The following HCN1 variants were observed in gnomAD, a reference collection of about 807,000 sequenced individuals.
HCN1 encodes the protein potassium/sodium hyperpolarization-activated cyclic nucleotide-gated channel 1.
A neutral mutation model predicts 78.9 loss-of-function variants in HCN1; 13 were observed. The ratio of observed to expected loss-of-function variants is 0.16; its 90% confidence interval spans 0.11 to 0.26. The LOEUF is 0.26. HCN1 is among the 10% of genes least tolerant of loss of function. HCN1 has a pLI of 1.00. For synonymous variants in HCN1, 552 were observed against 455.5 expected (o/e 1.21, Z -2.70); for missense variants, 810 against 1,154.3 (o/e 0.70, Z 4.32).
intron 2 of HCN1, among the ~76,000 whole-genome samples, chr5:45,545,053 A>C (rs1464579754): frequency 2.6e-5 from 4 of 152,136 alleles, no homozygotes; most frequent in Admixed American, 6.6e-5. Flanking sequence ...GAACTAGTTT[A>C]CAGTCCCACC....
intron 1 of HCN1, among the ~76,000 whole-genome samples, chr5:45,658,674 A>G (rs1256976363): frequency 6.6e-6 from 1 of 151,484 alleles, no homozygotes; most frequent in African/African-American, 2.4e-5. Flanking sequence ...TCCCTTTCCG[A>G]GTCAAAGAAA....
At chr5:45,556,172 C>T (rs1456151757) in intron 2 of HCN1, among the ~76,000 whole-genome samples, 2 of 151,836 alleles carry the variant, frequency 1.3e-5, no homozygotes, top group Non-Finnish European at 2.9e-5. Flanking sequence ...AGTAATACCC[C>T]ATAAGCACAA....
intron 4 of HCN1, among the ~76,000 whole-genome samples, chr5:45,363,143 T>TA (rs1554020542): frequency 1.1e-4 from 10 of 92,068 alleles, no homozygotes; most frequent in African/African-American, 5.2e-4. Flanking sequence ...TATATATATA[T>TA]ACATATATAT....
At chr5:45,621,889 A>C (rs1417098014) in intron 2 of HCN1, among the ~76,000 whole-genome samples, 8 of 152,200 alleles carry the variant, frequency 5.3e-5, no homozygotes, top group Non-Finnish European at 1.0e-4. Context: ...AGCAGAAAAA[A>C]AATTGTTTTA....
chr5:45,633,468 C>G (rs1387174931), intron 2 of HCN1, among the ~76,000 whole-genome samples: 1 of 151,948 alleles, frequency 6.6e-6, no homozygotes, highest in African/African-American at 2.4e-5. Flanking sequence ...TAGTGGAGGT[C>G]TTTCCAGTGG....
chr5:45,475,523 G>A (rs1015661997), intron 2 of HCN1, among the ~76,000 whole-genome samples: 3 of 152,066 alleles, frequency 2.0e-5, no homozygotes, highest in African/African-American at 7.2e-5. Flanking sequence ...TCTAAAAAAT[G>A]AGATCTGAAT....
Position 45,527,320 on chromosome 5 carries a change from GC to G in HCN1, c.850-65314del. ...GGTTTAAATTTCTGAAGGTGACATG[GC>G]CAGTAATGGTGGAGATAGGATCTAA... On this transcript the variant is annotated intron_variant, in intron 2 of 7. Coordinates refer to ENST00000303230, the MANE Select transcript of HCN1 (RefSeq NM_021072.4). Among the ~76,000 whole-genome samples, 2 of 130,946 alleles carry G rather than the reference GC, an allele frequency of 1.5e-5. 1 individual carries two copies. The highest frequency in any genetic ancestry group is 5.8e-5 in the African/African-American group (2 of 34,760). The allele number at this position is 130,946 out of a possible 152,430, so 85.9% of individuals were successfully genotyped here.
chr5:45,467,439 C>T (rs1425267633), intron 2 of HCN1, among the ~76,000 whole-genome samples: 2 of 152,110 alleles, frequency 1.3e-5, no homozygotes, highest in South Asian at 2.1e-4. Flanking sequence ...CCAATGTCCA[C>T]GTGCCACACA....
At chr5:45,328,305 G>A (rs1746275721) in intron 5 of HCN1, among the ~76,000 whole-genome samples, 2 of 151,202 alleles carry the variant, frequency 1.3e-5, no homozygotes, top group African/African-American at 2.4e-5. Flanking sequence ...AGTTCTTACA[G>A]AAGATCTTAG....
intron 1 of HCN1, among the ~76,000 whole-genome samples, chr5:45,658,132 T>A (rs1745815263): frequency 6.6e-6 from 1 of 152,110 alleles, no homozygotes; most frequent in African/African-American, 2.4e-5. Flanking sequence ...AAACAAGCAA[T>A]GGGGAAAGGA....
intron 5 of HCN1, among the ~76,000 whole-genome samples, chr5:45,349,666 A>T (rs938164289): frequency 4.6e-5 from 7 of 152,274 alleles, no homozygotes; most frequent in Middle Eastern, 3.4e-3. Flanking sequence ...AATGAAATAG[A>T]TGCAACAAAA....
At chr5:45,317,086 C>T (rs565494448) in intron 5 of HCN1, among the ~76,000 whole-genome samples, 1 of 152,068 alleles carries the variant, frequency 6.6e-6, no homozygotes, top group Non-Finnish European at 1.5e-5. Flanking sequence ...CATATGGGGC[C>T]AAAAAAGAGC....
At chr5:45,478,667 C>G (rs1579919699) in intron 2 of HCN1, among the ~76,000 whole-genome samples, 2 of 152,126 alleles carry the variant, frequency 1.3e-5, no homozygotes, top group Admixed American at 1.3e-4. Context: ...GCTAGGCAAC[C>G]AGTGTGGCCA....
chr5:45,502,306 A>G (rs993645663), intron 2 of HCN1, among the ~76,000 whole-genome samples: 5 of 139,982 alleles, frequency 3.6e-5, no homozygotes, highest in Non-Finnish European at 3.1e-5. Flanking sequence ...CATCTCTACT[A>G]AAAAAAAAAA....
chr5:45,472,651 G>GGA (rs140354754), intron 2 of HCN1, among the ~76,000 whole-genome samples: 64,535 of 129,544 alleles, frequency 0.5, 17,643 homozygotes, highest in African/African-American at 0.72. Context: ...GAGGGAGAAA[G>GGA]GAGAGGGGGG....
At chr5:45,321,193 T>C (rs1037464224) in intron 5 of HCN1, among the ~76,000 whole-genome samples, 3 of 151,888 alleles carry the variant, frequency 2.0e-5, no homozygotes, top group Admixed American at 6.6e-5. Flanking sequence ...ACATTTGTAA[T>C]TTATTTTGAT....
chr5:45,347,442 C>A (rs567718528), intron 5 of HCN1, among the ~76,000 whole-genome samples: 221 of 152,266 alleles, frequency 1.5e-3, no homozygotes, highest in African/African-American at 4.0e-3. Context: ...ACTGGAAACT[C>A]TAAAAAGCAG....
intron 3 of HCN1, among the ~76,000 whole-genome samples, chr5:45,403,582 CA>C (rs1316720347): frequency 6.6e-6 from 1 of 152,082 alleles, no homozygotes; most frequent in Non-Finnish European, 1.5e-5. Context: ...AGAACAGCAG[CA>C]TGGGGATAAC....
intron 1 of HCN1, among the ~76,000 whole-genome samples, chr5:45,677,808 T>C (rs1193337823): frequency 1.3e-5 from 2 of 151,900 alleles, no homozygotes; most frequent in Non-Finnish European, 1.5e-5. Context: ...TTTGTTTTAA[T>C]TTACATTAAA....
Sources: allele counts gnomAD v4.1 joint callset (sites outside exome capture counted in the v4.1 genomes callset), GRCh38; gene constraint gnomAD v4.1.1; transcripts MANE v1.5; gene names NCBI Gene and HGNC (gene_info 2026-07-23, HGNC 2026-07-21).